BLMH: variants seen among roughly 807,000 people sequenced by gnomAD.
BLMH encodes bleomycin hydrolase.
BLMH carries 32 observed loss-of-function variants against 61.6 expected under a neutral mutation model. The ratio of observed to expected loss-of-function variants is 0.52; its 90% confidence interval spans 0.39 to 0.70. The LOEUF (loss-of-function observed/expected upper bound fraction) is 0.70. BLMH is among the 30% of genes least tolerant of loss of function. The probability of loss-of-function intolerance (pLI) is 0.00; values close to 1 mark genes in which losing one functional copy is unlikely to be tolerated. For synonymous variants in BLMH, 183 were observed against 193.8 expected (o/e 0.94, Z 0.46); for missense variants, 460 against 555.5 (o/e 0.83, Z 1.73).
chr17:30,284,482 G>C (rs1024629651), intron 6 of BLMH, among the ~76,000 whole-genome samples: 2 of 152,200 alleles, frequency 1.3e-5, no homozygotes, highest in African/African-American at 4.8e-5. Flanking sequence ...ATACAGTCTT[G>C]AAAGGAAGCC....
chr17:30,291,622 GGGGAAACCCA>G, intron 1 of BLMH, 114 bp from the exon 2 acceptor site: 1 of 1,442,016 alleles, frequency 6.9e-7, no homozygotes, highest in Non-Finnish European at 9.4e-7. Context: ...CCGCTGCAGC[GGGGAAACCCA>G]TAAGCGGCAT....
intron 6 of BLMH, among the ~76,000 whole-genome samples, chr17:30,275,403 G>C (rs1389974809): frequency 2.0e-5 from 3 of 152,206 alleles, no homozygotes; most frequent in African/African-American, 7.2e-5. Context: ...GCTCACGCCT[G>C]TAATCCCAGC....
At chr17:30,273,165 ATTT>A (rs35833844) in intron 7 of BLMH, 558 of 192,982 alleles carry the variant, frequency 2.9e-3, no homozygotes, top group Middle Eastern at 7.9e-3. Context: ...TCCAAAAGCA[ATTT>A]TTTTTTTTTT....
At chr17:30,266,858 G>C in intron 11 of BLMH, 27 bp downstream of exon 11, 2 of 1,603,516 alleles carry the variant, frequency 1.2e-6, no homozygotes, top group Non-Finnish European at 1.7e-6. Context: ...CAGTCACCTG[G>C]AGTTAGTATT....
rs1288487602 is a variant in BLMH at position 30,285,461 on chromosome 17, C to T, written c.572G>A (p.Arg191Gln). 3.1e-5 allele frequency: 50 copies of T among 1,611,440 alleles called. No homozygotes were observed. In the East Asian group the frequency reaches 8.7e-4, roughly 28 times the overall value. The part of the protein sequence containing the change: ...LNHKMREFCI[R>Q]LRNLVHSGAT... The stretch of plus-strand genomic sequence containing the variant: ...TCCACTGTGTACCAGGTTCCGCAGT[C>T]GTATACAGAATTCTCTCATCTATGA... The change falls in exon 6 of 12, where the codon CGA becomes CAA. Residue 191 changes from arginine to glutamine, a missense_variant. Transcript: ENST00000261714.
chr17:30,248,245 A>C lies in BLMH; in HGVS notation c.*772T>G, dbSNP rs75153554. 6.6e-6 allele frequency: 1 copy of C among 152,546 alleles called. No homozygotes were observed. The highest frequency in any genetic ancestry group is 1.5e-5 in the Non-Finnish European group (1 of 68,026). The allele number at this position is 152,546 out of a possible 1,614,324, so 9.4% of individuals were successfully genotyped here. ...TTTTATTCAAAAGCTTCTCAGCACCATCTAGTTATCAGAAAGAATGGATAT... is the reference window on the plus strand; with the variant it reads ...TTTTATTCAAAAGCTTCTCAGCACCCTCTAGTTATCAGAAAGAATGGATAT... On this transcript the variant is annotated 3_prime_UTR_variant, in exon 12 of 12. Coordinates refer to ENST00000261714, the MANE Select transcript of BLMH (RefSeq NM_000386.4).
intron 11 of BLMH, 101 bp from the exon 12 acceptor site, chr17:30,249,269 A>G: frequency 1.6e-6 from 2 of 1,255,444 alleles, no homozygotes; most frequent in South Asian, 1.5e-5. Context: ...ATATTCATAC[A>G]TATTTTTCAG....
intron 6 of BLMH, among the ~76,000 whole-genome samples, chr17:30,282,176 G>A (rs1025690967): frequency 6.7e-6 from 1 of 148,570 alleles, no homozygotes; most frequent in African/African-American, 2.5e-5. Flanking sequence ...CACTACAAGT[G>A]TTACCACCAT....
intron 6 of BLMH, among the ~76,000 whole-genome samples, chr17:30,274,670 T>C (rs1228543069): frequency 6.6e-6 from 1 of 152,154 alleles, no homozygotes. Context: ...TGGATGACAA[T>C]GCCTGTTAAA....
At chr17:30,264,491 AT>A (rs1908045365) in intron 11 of BLMH, among the ~76,000 whole-genome samples, 1 of 152,218 alleles carries the variant, frequency 6.6e-6, no homozygotes, top group Non-Finnish European at 1.5e-5. Context: ...GTGACCTAAA[AT>A]TATCTTTAAG....
At chr17:30,257,562 A>G (rs1907850101) in intron 11 of BLMH, among the ~76,000 whole-genome samples, 1 of 152,230 alleles carries the variant, frequency 6.6e-6, no homozygotes, top group Admixed American at 6.5e-5. Context: ...ACCTTTTTAT[A>G]TTTTGATTTT....
chr17:30,280,927 G>C (rs1172721656), intron 6 of BLMH, among the ~76,000 whole-genome samples: 2 of 152,164 alleles, frequency 1.3e-5, no homozygotes, highest in African/African-American at 4.8e-5. Context: ...GTGGGTAAAT[G>C]AGCTAGTTAT....
At chr17:30,288,539 G>A (rs1436683992) in intron 3 of BLMH, among the ~76,000 whole-genome samples, 4 of 151,974 alleles carry the variant, frequency 2.6e-5, no homozygotes, top group Non-Finnish European at 2.9e-5. Context: ...TTGTAGAGAT[G>A]GGGTTTCGCC....
rs142102446 is a variant in BLMH, at chr17:30,251,719, G to A, written c.1217-2551C>T. Among the ~76,000 whole-genome samples the A allele has an allele frequency of 2.2e-4, 33 of 152,214 alleles. 2 individuals are homozygous for A. The East Asian group carries it at 5.6e-3, about 26-fold the overall frequency. Reference sequence around the variant, plus strand: ...TCCCACTACACAGGACCAAGAGAACGGAGAAGTAGGTGTTTCTAGCAAGAG... The same window carrying A: ...TCCCACTACACAGGACCAAGAGAACAGAGAAGTAGGTGTTTCTAGCAAGAG... On this transcript the variant is annotated intron_variant, in intron 11 of 11. Transcript: ENST00000261714.
intron 10 of BLMH, among the ~76,000 whole-genome samples, chr17:30,268,923 G>A (rs117364520): frequency 0.02 from 2,914 of 148,978 alleles, 45 homozygotes; most frequent in Non-Finnish European, 0.03. Context: ...GATGGTGCAC[G>A]CCTGCACTCA....
At chr17:30,267,916 T>C (rs547545310) in intron 10 of BLMH, among the ~76,000 whole-genome samples, 1 of 152,298 alleles carries the variant, frequency 6.6e-6, no homozygotes, top group South Asian at 2.1e-4. Context: ...GGGATTTGGT[T>C]CTCTTTGGCT....
At chr17:30,253,509 G>A (rs1003741417) in intron 11 of BLMH, among the ~76,000 whole-genome samples, 1 of 152,140 alleles carries the variant, frequency 6.6e-6, no homozygotes, top group African/African-American at 2.4e-5. Context: ...TTGACACTGT[G>A]TGTCTTGGAG....
intron 11 of BLMH, among the ~76,000 whole-genome samples, chr17:30,257,245 A>G (rs1907841557): frequency 6.6e-6 from 1 of 152,252 alleles, no homozygotes; most frequent in Non-Finnish European, 1.5e-5. Context: ...AAACAACCCA[A>G]GTCCCATTAG....
intron 11 of BLMH, among the ~76,000 whole-genome samples, chr17:30,261,647 T>C: frequency 6.6e-6 from 1 of 152,222 alleles, no homozygotes; most frequent in East Asian, 1.9e-4. Flanking sequence ...AATTAATTAT[T>C]AGTAACTGTC....
Sources: allele counts gnomAD v4.1 joint callset (sites outside exome capture counted in the v4.1 genomes callset), GRCh38; gene constraint gnomAD v4.1.1; transcripts MANE v1.5; gene names NCBI Gene and HGNC (gene_info 2026-07-23, HGNC 2026-07-21).